Variants in NTNG1 observed in about 807,000 individuals in gnomAD.
NTNG1 encodes netrin-G1.
In NTNG1, 16 loss-of-function variants were observed where a neutral mutation model predicts 54.0. The observed-to-expected ratio is 0.30, with a 90% confidence interval of 0.20 to 0.45. The LOEUF (loss-of-function observed/expected upper bound fraction) is 0.45, where lower values mean the gene tolerates loss of function less well. Among genes scored for constraint, NTNG1 ranks in the 20% least tolerant of loss-of-function variants. The pLI, the probability that NTNG1 is intolerant of heterozygous loss-of-function variation, is 1.00. For missense variants in NTNG1, 530 were observed against 678.7 expected (o/e 0.78, Z 2.43); for synonymous variants, 255 against 263.1 (o/e 0.97, Z 0.30).
chr1:107,252,944 G>A (rs1333662978), intron 2 of NTNG1, among the ~76,000 whole-genome samples: 1 of 152,174 alleles, frequency 6.6e-6, no homozygotes, highest in African/African-American at 2.4e-5. Flanking sequence ...AAATAGGCAT[G>A]GATCCTGTCA....
intron 7 of NTNG1, among the ~76,000 whole-genome samples, chr1:107,439,277 C>CGTGTGTGTGTGT (rs3064151): frequency 0.069 from 10,020 of 145,732 alleles, 550 homozygotes; most frequent in East Asian, 0.15. Flanking sequence ...CCAGAACTTG[C>CGTGTGTGTGTGT]GTGTGTGTGT....
At position 107,304,371 on chromosome 1, in the gene NTNG1, C is replaced by T. The variant is rs559456030; in HGVS notation, c.247-19911C>T. 2.1e-4 allele frequency among the ~76,000 whole-genome samples: 32 copies of T among 152,142 alleles called. No individual in the cohort carries two copies. The South Asian group carries it at 6.7e-3, about 32-fold the overall frequency. On this transcript the variant is annotated intron_variant, in intron 2 of 7. Coordinates refer to ENST00000370068, the MANE Select transcript of NTNG1 (RefSeq NM_001113226.3). ...TAACTCAAATTTGAGTTGTAAGCTG[C>T]CAATAAAATCAGTTGTAACTGAATT... is the stretch of plus-strand genomic sequence containing the variant.
intron 3 of NTNG1, among the ~76,000 whole-genome samples, chr1:107,388,379 C>T (rs904509716): frequency 6.6e-6 from 1 of 152,188 alleles, no homozygotes; most frequent in Non-Finnish European, 1.5e-5. Flanking sequence ...TAGCTGTACT[C>T]AGCAAGAGTG....
intron 3 of NTNG1, among the ~76,000 whole-genome samples, chr1:107,384,726 A>T (rs774222190): frequency 2.0e-5 from 3 of 152,234 alleles, no homozygotes; most frequent in Non-Finnish European, 2.9e-5. Context: ...GTTTGCAGAG[A>T]GGCTGCCTAG....
In NTNG1 at chr1:107,429,141, T is replaced by A. The variant is rs147481207; in HGVS notation, c.1088-1609T>A. On this transcript the variant is annotated intron_variant, in intron 5 of 7. Transcript: ENST00000370068. ...AGTGGTTTGGCTTCAGCATCCCCCC[T>A]TTCTTCTTGCCTCTCTTTTAGCAAC... Among the ~76,000 whole-genome samples, 12 of 152,152 alleles carry A rather than the reference T, an allele frequency of 7.9e-5. No individual in the cohort carries two copies. The East Asian group carries it at 1.9e-3, about 25-fold the overall frequency.
At position 107,484,397 on chromosome 1, in the gene NTNG1, TG is replaced by T. The variant is rs1297913392; in HGVS notation, c.*3559del. The stretch of plus-strand genomic sequence containing the variant: ...GTTATGAAAGCATCATGTGTCAAAG[TG>T]GCAGGATGGAAGATAATTTAACAGT... On this transcript the variant is annotated 3_prime_UTR_variant, in exon 8 of 8. Coordinates refer to ENST00000370068, the MANE Select transcript of NTNG1 (RefSeq NM_001113226.3). Among the ~76,000 whole-genome samples the T allele has an allele frequency of 6.6e-6, 1 of 152,222 alleles. No individual in the cohort carries two copies. Among genetic ancestry groups the T allele is most frequent in the African/African-American group, 2.4e-5 (1 of 41,454 alleles).
At chr1:107,149,785 G>A (rs1036729672) in intron 2 of NTNG1, among the ~76,000 whole-genome samples, 1 of 151,608 alleles carries the variant, frequency 6.6e-6, no homozygotes, top group Non-Finnish European at 1.5e-5. Flanking sequence ...AATTATAGGT[G>A]GTTTTTATTT....
chr1:107,307,559 A>G (rs1666764361), intron 2 of NTNG1, among the ~76,000 whole-genome samples: 3 of 152,242 alleles, frequency 2.0e-5, no homozygotes, highest in Admixed American at 2.0e-4. Context: ...CAAAGAATTC[A>G]CAGAGGGCTG....
intron 5 of NTNG1, 158 bp from the exon 6 acceptor site, chr1:107,430,589 CCAG>C: frequency 1.3e-6 from 1 of 782,588 alleles, no homozygotes; most frequent in South Asian, 1.4e-5. Flanking sequence ...TATTTCCGTG[CCAG>C]TCACAACCAC....
intron 2 of NTNG1, among the ~76,000 whole-genome samples, chr1:107,204,308 A>G (rs929816861): frequency 3.3e-5 from 5 of 152,016 alleles, no homozygotes; most frequent in African/African-American, 1.2e-4. Flanking sequence ...CTTTAATTTG[A>G]TGGAATTTCT....
chr1:107,310,985 C>G (rs17018746), intron 2 of NTNG1, among the ~76,000 whole-genome samples: 2,006 of 152,164 alleles, frequency 0.013, 41 homozygotes, highest in African/African-American at 0.046. Flanking sequence ...GAATCAACCT[C>G]GGAACTCAGG....
intron 3 of NTNG1, among the ~76,000 whole-genome samples, chr1:107,325,721 A>G (rs1294591271): frequency 6.6e-6 from 1 of 152,102 alleles, no homozygotes; most frequent in East Asian, 1.9e-4. Context: ...TAAGTGTGGT[A>G]TATTATCAAA....
chr1:107,408,236 GA>G, intron 5 of NTNG1: 1 of 209,542 alleles, frequency 4.8e-6, no homozygotes, highest in Non-Finnish European at 9.7e-6. Context: ...GCAAATTTGT[GA>G]TCAGTAGTCT....
chr1:107,436,682 T>C lies in NTNG1; in HGVS notation c.1273T>C (p.Leu425=), dbSNP rs1675616954. The part of the protein sequence containing the change: ...NVCIECYCNP[L]GSIHDRCNGS... ...TTCTACAGAGTGTTATTGTAACCCT[T>C]TGGGCTCAATCCATGATCGTTGTAA... The change falls in exon 7 of 8, where the codon TTG becomes CTG. Residue 425 remains leucine, a synonymous_variant. Transcript: ENST00000370068. 6.2e-7 allele frequency: 1 copy of C among 1,613,524 alleles called. No individual in the cohort carries two copies. Among genetic ancestry groups the C allele is most frequent in the East Asian group, 2.2e-5 (1 of 44,824 alleles).
chr1:107,258,928 G>A (rs1221198373), intron 2 of NTNG1, among the ~76,000 whole-genome samples: 3 of 152,124 alleles, frequency 2.0e-5, no homozygotes, highest in South Asian at 2.1e-4. Context: ...AAAAAAGTAA[G>A]ATTAGAGAGA....
chr1:107,435,701 G>A (rs1675551774), intron 6 of NTNG1, among the ~76,000 whole-genome samples: 1 of 151,976 alleles, frequency 6.6e-6, no homozygotes, highest in African/African-American at 2.4e-5. Flanking sequence ...TTTTCATGAG[G>A]GAACTGCTTA....
chr1:107,414,315 A>G (rs1674052440), intron 5 of NTNG1, among the ~76,000 whole-genome samples: 2 of 152,164 alleles, frequency 1.3e-5, no homozygotes, highest in African/African-American at 4.8e-5. Context: ...TTCAAGTGCG[A>G]CCACTAAATT....
chr1:107,290,799 TAAGATTGAGGG>T (rs1177522603), intron 2 of NTNG1, among the ~76,000 whole-genome samples: 1 of 151,202 alleles, frequency 6.6e-6, no homozygotes, highest in Non-Finnish European at 1.5e-5. Context: ...ACAATAATAA[TAAGATTGAGGG>T]AAAACAGCAT....
chr1:107,250,238 C>A (rs1662498410), intron 2 of NTNG1, among the ~76,000 whole-genome samples: 1 of 152,118 alleles, frequency 6.6e-6, no homozygotes, highest in Non-Finnish European at 1.5e-5. Flanking sequence ...AAAACTGAAA[C>A]CTCTTCTGGT....
Sources: allele counts gnomAD v4.1 joint callset (sites outside exome capture counted in the v4.1 genomes callset), GRCh38; gene constraint gnomAD v4.1.1; transcripts MANE v1.5; gene names NCBI Gene and HGNC (gene_info 2026-07-23, HGNC 2026-07-21).